SPEG: variants seen among roughly 807,000 people sequenced by gnomAD.
SPEG encodes the protein striated muscle preferentially expressed protein kinase.
In SPEG, 114 loss-of-function variants were observed where a neutral mutation model predicts 300.4. The ratio of observed to expected loss-of-function variants is 0.38; its 90% CI spans 0.33 to 0.44. The LOEUF is 0.44. Among genes scored for constraint, SPEG ranks in the 20% least tolerant of loss-of-function variants. The pLI, the probability that SPEG is intolerant of heterozygous loss-of-function variation, is 1.00. For synonymous variants in SPEG, 1,964 were observed against 2,018.9 expected, an observed-to-expected ratio of 0.97 and a Z score of 0.73; for missense variants, 4,201 against 4,586.2, an observed-to-expected ratio of 0.92 and a Z score of 2.43.
chr2:219,474,066 A>G, intron 18 of SPEG, 163 bp downstream of exon 18: 2 of 685,158 alleles, frequency 2.9e-6, no homozygotes, highest in Non-Finnish European at 4.8e-6. Flanking sequence ...ATTAGTAATA[A>G]TGACAACAAT....
rs1238575666 is a variant in SPEG, at chr2:219,482,809, G to A, written c.5591G>A (p.Ser1864Asn). The A allele has an allele frequency of 5.0e-6, 8 of 1,613,894 alleles. No homozygotes were observed. Among genetic ancestry groups the A allele is most frequent in the Middle Eastern group, 1.7e-4 (1 of 6,058 alleles). Residue 1864 changes from serine (S) to asparagine (N), a missense_variant, in exon 29 of 41, where the codon AGC (serine) becomes AAC (asparagine). Around this residue, in one of 4 missense-constraint regions of SPEG, gnomAD observed 1,578 missense variants for 1,506.0 expected, o/e 1.05. Transcript: ENST00000312358. ...ACTCAGGCAAAGGGCGCAGAGGTGA[G>A]CACGGATCACCTGAAGCTATTCCTC... ...FKTQAKGAEVSTDHLKLFLSR... is the reference protein window; with the variant it reads ...FKTQAKGAEVNTDHLKLFLSR...
chr2:219,440,546 C>G (rs1351728471), intron 1 of SPEG, among the ~76,000 whole-genome samples: 1 of 149,636 alleles, frequency 6.7e-6, no homozygotes, highest in African/African-American at 2.5e-5. Flanking sequence ...TCAGTCTGTC[C>G]CTGTATTTAT....
rs761316931 is a variant in SPEG at position 219,435,229 on chromosome 2, C to T, written c.252C>T (p.Pro84=). The change falls in exon 1 of 41, where the codon CCC becomes CCT. Residue 84 remains proline, a synonymous_variant. Coordinates refer to ENST00000312358, the MANE Select transcript of SPEG (RefSeq NM_005876.5). ...GGTTCCGGGATGGGCAGCTCCTGCC[C>T]GCGCCGGCCCCCGAGCCCAGCTGCC... ...LRWFRDGQLL[P]APAPEPSCLW... The T allele has an allele frequency of 1.8e-5, 27 of 1,476,900 alleles. No homozygotes were observed. Among genetic ancestry groups the T allele is most frequent in the Non-Finnish European group, 2.3e-5 (26 of 1,123,878 alleles). 91.5% of individuals were successfully genotyped at this position (1,476,900 alleles called of 1,614,324 possible). A position where few individuals can be genotyped will look rare whatever the true frequency, so the allele number is the denominator to read the frequency against.
intron 31 of SPEG, among the ~76,000 whole-genome samples, chr2:219,485,801 G>A (rs965717971): frequency 3.3e-5 from 5 of 152,206 alleles, no homozygotes; most frequent in African/African-American, 7.2e-5. Context: ...AAGTGGAGCA[G>A]CTGAAGTTGG....
Position 219,444,535 on chromosome 2 carries a change from TG to T in SPEG, c.389-116del. ...GTGGGGAGCAAAAGAGAGGAGGTGC[TG>T]GCAGCCCTGCCAGTGATAAGATGGA... On this transcript the variant is annotated intron_variant, in intron 1 of 40. Coordinates refer to ENST00000312358, the MANE Select transcript of SPEG (RefSeq NM_005876.5). The surrounding 1 kb of genome is among the most constrained non-coding windows in gnomAD (Gnocchi z 7.8). 1 of 829,460 alleles carries T rather than the reference TG, an allele frequency of 1.2e-6. No individual in the cohort carries two copies. The highest frequency in any genetic ancestry group is 2.0e-6 in the Non-Finnish European group (1 of 500,402). The allele number at this position is 829,460 out of a possible 1,614,324, so 51.4% of individuals were successfully genotyped here.
intron 29 of SPEG, 30 bp downstream of exon 29, chr2:219,482,882 T>TC (rs1177180555): frequency 6.2e-7 from 1 of 1,604,434 alleles, no homozygotes; most frequent in South Asian, 1.1e-5. Context: ...CTCTGTGCTT[T>TC]CCACCTTCTC....
rs1470266381 is a variant in SPEG at position 219,491,791 on chromosome 2, C to T, written c.9386-3C>T. ...GGTCAGCTTGGCCTCTGTCTCCTGT[C>T]AGCTCCGGAGATGGTGAAGGGAGAA... On this transcript the variant is annotated splice_polypyrimidine_tract_variant and splice_region_variant and intron_variant, in intron 38 of 40. Coordinates refer to ENST00000312358, the MANE Select transcript of SPEG (RefSeq NM_005876.5). 6.2e-7 allele frequency: 1 copy of T among 1,612,876 alleles called. No homozygotes were observed. The highest frequency in any genetic ancestry group is 1.7e-5 in the Admixed American group (1 of 59,978).
At chr2:219,466,471 G>A in intron 9 of SPEG, 3 of 1,185,790 alleles carry the variant, frequency 2.5e-6, no homozygotes, top group Non-Finnish European at 3.2e-6. Context: ...CGGAGCTGAG[G>A]TGGGGTGAGA....
intron 9 of SPEG, chr2:219,466,472 T>TG: frequency 8.5e-7 from 1 of 1,178,260 alleles, no homozygotes; most frequent in Non-Finnish European, 1.1e-6. Flanking sequence ...GGAGCTGAGG[T>TG]GGGGTGAGAC....
chr2:219,451,683 T>A lies in SPEG; in HGVS notation c.2316T>A (p.Ala772=), dbSNP rs372369079. The change falls in exon 6 of 41, where the codon GCT becomes GCA. Residue 772 remains alanine (A), a synonymous_variant. Coordinates refer to ENST00000312358, the MANE Select transcript of SPEG (RefSeq NM_005876.5). This position sits in a 1 kb window ranked among gnomAD's most constrained non-coding sequence, Gnocchi z 6.4. ...GCGAGGGCCGCCTCCTCCTCCGGGC[T>A]GAGGGTGAGCGGCACACCCTGCTGC... The part of the protein sequence containing the change: ...LRSEGRLLLR[A]EGERHTLLLR... 1 of 1,584,208 alleles carries A rather than the reference T, an allele frequency of 6.3e-7. No individual in the cohort carries two copies. The highest frequency in any genetic ancestry group is 1.2e-5 in the South Asian group (1 of 86,268).
chr2:219,474,161 T>C (rs1430342805), intron 18 of SPEG: 7 of 374,300 alleles, frequency 1.9e-5, no homozygotes, highest in Non-Finnish European at 2.9e-5. Flanking sequence ...GTGGATTACC[T>C]GAGGTCAGGA....
intron 9 of SPEG, chr2:219,465,946 CGTGCATGT>C: frequency 1.1e-6 from 1 of 883,846 alleles, no homozygotes; most frequent in Non-Finnish European, 1.8e-6. Flanking sequence ...TGCACGTGTG[CGTGCATGT>C]GTGCGTGTGC....
rs1690494888 is a variant in SPEG, at chr2:219,459,808, C to G, written c.2441-2074C>G. ...ACCAAATGCCATTCTGACTTCCCTCCCCAACCCTACCTCAAGACAGCCAGC... is the reference window on the plus strand; with the variant it reads ...ACCAAATGCCATTCTGACTTCCCTCGCCAACCCTACCTCAAGACAGCCAGC... On this transcript the variant is annotated intron_variant, in intron 6 of 40. Transcript: ENST00000312358. This position sits in a 1 kb window ranked among gnomAD's most constrained non-coding sequence, Gnocchi z 4.9. 6.6e-6 allele frequency among the ~76,000 whole-genome samples: 1 copy of G among 152,206 alleles called. No homozygotes were observed. Among genetic ancestry groups the G allele is most frequent in the South Asian group, 2.1e-4 (1 of 4,824 alleles).
Position 219,451,278 on chromosome 2 carries a change from A to C in SPEG, c.2256A>C (p.Gln752His). Residue 752 changes from glutamine to histidine, a missense_variant and splice_region_variant, in exon 5 of 41, where the codon CAA becomes CAC. Physicochemically the swap from Gln to His is conservative, Grantham distance 24. Around this residue, in one of 4 missense-constraint regions of SPEG, gnomAD observed 1,258 missense variants for 1,293.9 expected, o/e 0.97. Transcript: ENST00000312358. The surrounding 1 kb of genome is among the most constrained non-coding windows in gnomAD (Gnocchi z 6.4). ...KCIITANPPPQVSWHKDGSAL... is the reference protein window; with the variant it reads ...KCIITANPPPHVSWHKDGSAL... ...TCATCACTGCCAACCCCCCGCCCCA[A>C]GGTGAGCTCCAGCACTGGGCCAAGG... 6.2e-7 allele frequency: 1 copy of C among 1,606,334 alleles called. No individual in the cohort carries two copies. Among genetic ancestry groups the C allele is most frequent in the East Asian group, 2.2e-5 (1 of 44,624 alleles).
rs139599154 is a variant in SPEG, at chr2:219,471,806, G to A, written c.3716-62G>A. 3.4e-5 allele frequency: 55 copies of A among 1,602,474 alleles called. No individual in the cohort carries two copies. The East Asian group carries it at 1.1e-3, about 31-fold the overall frequency. On this transcript the variant is annotated intron_variant, in intron 13 of 40. Transcript: ENST00000312358. ...TGAGGGACCAGGCCCGGGATGGCAT[G>A]GGCCTACCCCTCAAGGTATCCTCCG...
Position 219,490,862 on chromosome 2 carries a change from T to C in SPEG, c.9291T>C (p.Asn3097=). 6.2e-7 allele frequency: 1 copy of C among 1,613,888 alleles called. No homozygotes were observed. The highest frequency in any genetic ancestry group is 8.5e-7 in the Non-Finnish European group (1 of 1,179,990). ...ACAACCTGCTGCTGGCCCCTGACAA[T>C]GCCCTCAAGATTGTGGACTTTGGCA... The part of the protein sequence containing the change: ...KPDNLLLAPD[N]ALKIVDFGSA... Residue 3097 remains asparagine (N), a synonymous_variant, in exon 38 of 41, where the codon AAT becomes AAC. Transcript: ENST00000312358.
chr2:219,472,961 G>C lies in SPEG; in HGVS notation c.4012G>C (p.Gly1338Arg). ...GSDQWTALVT[G>R]LREPGWAATG... is the part of the protein sequence containing the mutation. ...GGACCAGTGGACGGCACTGGTCACAGGCCTGCGGGAGCCAGGGTGGGCAGC... is the reference window on the plus strand; with the variant it reads ...GGACCAGTGGACGGCACTGGTCACACGCCTGCGGGAGCCAGGGTGGGCAGC... Residue 1338 changes from glycine to arginine, a missense_variant, in exon 16 of 41, where the codon GGC (glycine) becomes CGC (arginine). Gly to Arg is a moderately radical substitution (Grantham distance 125, BLOSUM62 -2). Transcript: ENST00000312358. The C allele has an allele frequency of 6.2e-7, 1 of 1,613,830 alleles. No individual in the cohort carries two copies. Among genetic ancestry groups the C allele is most frequent in the Non-Finnish European group, 8.5e-7 (1 of 1,180,002 alleles).
In SPEG at chr2:219,467,188, C is replaced by T. The variant is rs766307838; in HGVS notation, c.2896C>T (p.Arg966Trp). The part of the protein sequence containing the change: ...RLEVRAHPES[R>W]SLAVLAPLQD... The stretch of plus-strand genomic sequence containing the variant: ...TTTCCCCTCAGCACACCCTGAAAGC[C>T]GGTCCCTGGCCGTGCTGGCCCCCCT... Residue 966 changes from arginine (R) to tryptophan (W), a missense_variant, in exon 10 of 41, where the codon CGG (arginine) becomes TGG (tryptophan). Physicochemically the swap from Arg to Trp is moderately radical, Grantham distance 101 (BLOSUM62 -3). Transcript: ENST00000312358. 1.2e-5 allele frequency: 19 copies of T among 1,581,636 alleles called. No homozygotes were observed. Among genetic ancestry groups the T allele is most frequent in the South Asian group, 3.4e-5 (3 of 88,432 alleles).
At chr2:219,454,582 T>A (rs964961873) in intron 6 of SPEG, among the ~76,000 whole-genome samples, 3 of 152,212 alleles carry the variant, frequency 2.0e-5, no homozygotes. Flanking sequence ...GTGCCATACA[T>A]ATCCCTTGGA....
Sources: allele counts gnomAD v4.1 joint callset (sites outside exome capture counted in the v4.1 genomes callset), GRCh38; gene constraint gnomAD v4.1.1; regional missense constraint gnomAD v4.1.1; non-coding constraint Gnocchi (gnomAD v3.1); transcripts MANE v1.5; gene names NCBI Gene and HGNC (gene_info 2026-07-23, HGNC 2026-07-21).